Variants in LRGUK observed in about 807,000 individuals in gnomAD.
The protein encoded by LRGUK is leucine rich repeats and guanylate kinase domain containing, also known as leucine-rich repeat and guanylate kinase domain-containing protein.
A neutral mutation model predicts 76.0 loss-of-function variants in LRGUK; 65 were observed. The observed-to-expected ratio is 0.85, with a 90% CI of 0.70 to 1.05. The LOEUF is 1.05. Among genes scored for constraint, LRGUK ranks in the 50% least tolerant of loss-of-function variants. The pLI is 0.00. For missense variants in LRGUK, 758 were observed against 732.8 expected (o/e 1.03, Z -0.40); for synonymous variants, 268 against 265.6 (o/e 1.01, Z -0.09).
downstream of LRGUK, among the ~76,000 whole-genome samples, chr7:134,215,071 C>G (rs942347113): frequency 3.1e-4 from 47 of 152,200 alleles, no homozygotes; most frequent in African/African-American, 7.9e-4. Context: ...ATGAGGAATC[C>G]TGTTTTATTA....
chr7:134,209,013 C>T (rs530589660), exon 16 of LRGUK: 172 of 399,190 alleles, frequency 4.3e-4, no homozygotes, highest in African/African-American at 3.0e-3. Flanking sequence ...CTAAACCCAA[C>T]GGAAGAGGAT....
chr7:134,204,092 G>A (rs1370679624), intron 15 of LRGUK, among the ~76,000 whole-genome samples: 1 of 152,106 alleles, frequency 6.6e-6, no homozygotes, highest in Non-Finnish European at 1.5e-5. Flanking sequence ...TCAGTCCCCT[G>A]AGCCTGACCA....
chr7:134,236,257 G>T (rs1364049442), intron 16 of LRGUK, among the ~76,000 whole-genome samples: 1 of 152,030 alleles, frequency 6.6e-6, no homozygotes, highest in African/African-American at 2.4e-5. Flanking sequence ...TCCCTCCAAA[G>T]GTAACCATCA....
At chr7:134,219,533 G>T (rs1801520806) in intron 15 of LRGUK, among the ~76,000 whole-genome samples, 1 of 152,182 alleles carries the variant, frequency 6.6e-6, no homozygotes, top group African/African-American at 2.4e-5. Flanking sequence ...TTATTTCAGT[G>T]AATATAGCTT....
intron 7 of LRGUK, among the ~76,000 whole-genome samples, chr7:134,164,434 G>T (rs1359264894): frequency 6.6e-6 from 1 of 152,136 alleles, no homozygotes; most frequent in African/African-American, 2.4e-5. Context: ...AAAAACCACA[G>T]AAACTGGCTT....
chr7:134,173,239 T>C (rs1448805332), intron 7 of LRGUK, among the ~76,000 whole-genome samples: 4 of 152,238 alleles, frequency 2.6e-5, no homozygotes, highest in African/African-American at 9.6e-5. Flanking sequence ...ATTGCAACTC[T>C]GGTGTTCACC....
chr7:134,201,205 C>T (rs1339690015), intron 14 of LRGUK, among the ~76,000 whole-genome samples: 1 of 152,156 alleles, frequency 6.6e-6, no homozygotes, highest in Non-Finnish European at 1.5e-5. Context: ...CAAAGTCAAC[C>T]CGTTAATAAC....
chr7:134,212,812 A>G (rs1801323673), downstream of LRGUK, among the ~76,000 whole-genome samples: 1 of 152,196 alleles, frequency 6.6e-6, no homozygotes, highest in Non-Finnish European at 1.5e-5. Flanking sequence ...GAAGACAGAG[A>G]GTTCATTATA....
intron 15 of LRGUK, among the ~76,000 whole-genome samples, chr7:134,220,988 C>T (rs114087871): frequency 0.011 from 1,675 of 152,266 alleles, 25 homozygotes; most frequent in African/African-American, 0.038. Flanking sequence ...ACTCCTCTGA[C>T]TTCGAGTCTT....
intron 16 of LRGUK, among the ~76,000 whole-genome samples, chr7:134,223,319 C>T (rs1487043578): frequency 2.0e-5 from 3 of 152,156 alleles, no homozygotes; most frequent in Non-Finnish European, 2.9e-5. Flanking sequence ...CCCAGCCCAG[C>T]TTGACTTTTC....
chr7:134,240,052 T>G (rs980961356), intron 16 of LRGUK, among the ~76,000 whole-genome samples: 1 of 152,156 alleles, frequency 6.6e-6, no homozygotes. Flanking sequence ...CATCTGTATG[T>G]CACCATCATC....
intron 7 of LRGUK, among the ~76,000 whole-genome samples, chr7:134,171,344 C>T (rs182299964): frequency 3.4e-4 from 51 of 151,188 alleles, no homozygotes; most frequent in African/African-American, 1.1e-3. Flanking sequence ...AATGTGGCAG[C>T]GAAAAAAATT....
the LRGUK span, among the ~76,000 whole-genome samples, chr7:134,273,353 C>T: frequency 6.6e-6 from 1 of 152,166 alleles, no homozygotes; most frequent in Non-Finnish European, 1.5e-5. Context: ...AATGAGATTT[C>T]TATGGTAAAC....
intron 11 of LRGUK, among the ~76,000 whole-genome samples, chr7:134,185,424 G>A (rs950930875): frequency 6.6e-6 from 1 of 151,762 alleles, no homozygotes; most frequent in African/African-American, 2.4e-5. Context: ...AGCTGGGTGT[G>A]TTGGCGCACA....
intron 15 of LRGUK, among the ~76,000 whole-genome samples, chr7:134,217,152 C>CT (rs1471735323): frequency 1.5e-5 from 2 of 132,222 alleles, no homozygotes; most frequent in Admixed American, 7.6e-5. Flanking sequence ...AAATACTCAT[C>CT]CTTTTTTTTT....
chr7:134,247,838 G>A (rs1262347890), intron 17 of LRGUK, among the ~76,000 whole-genome samples, 194 bp downstream of exon 17: 2 of 152,226 alleles, frequency 1.3e-5, no homozygotes, highest in African/African-American at 4.8e-5. Flanking sequence ...TATGCTCATA[G>A]CTACTAGAAA....
chr7:134,127,340 A>C (rs781189670), exon 1 of LRGUK: 1 of 1,530,746 alleles, frequency 6.5e-7, no homozygotes, highest in South Asian at 1.2e-5. Flanking sequence ...GCCTGGGGTC[A>C]GTCTCCTAGG....
intron 8 of LRGUK, among the ~76,000 whole-genome samples, chr7:134,175,607 T>C (rs556793478): frequency 1.3e-4 from 20 of 152,324 alleles, no homozygotes; most frequent in African/African-American, 4.6e-4. Context: ...CCCCAACATT[T>C]ACACCTAAGC....
chr7:134,214,813 C>G (rs1585567386), downstream of LRGUK, among the ~76,000 whole-genome samples: 1 of 147,322 alleles, frequency 6.8e-6, no homozygotes, highest in East Asian at 2.0e-4. Flanking sequence ...CACACACACA[C>G]ACTTTGAAGA....
Sources: allele counts gnomAD v4.1 joint callset (sites outside exome capture counted in the v4.1 genomes callset), GRCh38; gene constraint gnomAD v4.1.1; transcripts MANE v1.5; gene names NCBI Gene and HGNC (gene_info 2026-07-23, HGNC 2026-07-21).